USP42: variants seen among roughly 807,000 people sequenced by gnomAD.
USP42 encodes ubiquitin specific peptidase 42.
A neutral mutation model predicts 113.0 loss-of-function variants in USP42; 23 were observed. That is an observed-to-expected ratio of 0.20 (90% CI 0.15 to 0.29). The LOEUF (loss-of-function observed/expected upper bound fraction) is 0.29. USP42 is among the 10% of genes least tolerant of loss of function. USP42 has a pLI of 1.00. For missense variants in USP42, 2,174 were observed against 1,779.8 expected (o/e 1.22, Z -3.99); for synonymous variants, 933 against 699.0 (o/e 1.33, Z -5.28).
chr7:6,153,685 C>A, intron 14 of USP42, 71 bp from the exon 15 acceptor site: 1 of 1,394,628 alleles, frequency 7.2e-7, no homozygotes, highest in Non-Finnish European at 9.3e-7. Context: ...AAGTATTTGT[C>A]CTTGTAATGC....
chr7:6,103,234 C>CTG (rs2128469885), upstream of USP42, among the ~76,000 whole-genome samples: 1 of 151,030 alleles, frequency 6.6e-6, no homozygotes, highest in African/African-American at 2.5e-5. Flanking sequence ...TCTCCTAAGC[C>CTG]TGTACAATGC....
intron 14 of USP42, among the ~76,000 whole-genome samples, chr7:6,151,172 A>G (rs1782027039): frequency 6.6e-6 from 1 of 152,256 alleles, no homozygotes; most frequent in South Asian, 2.1e-4. Context: ...AGCTGGCAGG[A>G]CTGGAGGGTG....
In USP42 at chr7:6,139,767, G is replaced by T; in HGVS notation, c.657-361G>T. 1 of 345,282 alleles carries T rather than the reference G, an allele frequency of 2.9e-6. No individual in the cohort carries two copies. The highest frequency in any genetic ancestry group is 5.4e-6 in the Non-Finnish European group (1 of 183,608). 21.4% of individuals were successfully genotyped at this position (345,282 alleles called of 1,614,324 possible). A position where few individuals can be genotyped will look rare whatever the true frequency, so the allele number is the denominator to read the frequency against. On this transcript the variant is annotated intron_variant, in intron 5 of 17. Coordinates refer to ENST00000306177, the MANE Select transcript of USP42 (RefSeq NM_032172.3). The surrounding 1 kb of genome is among the most constrained non-coding windows in gnomAD (Gnocchi z 4.5). ...TCATTGTCCGGGTGATGACATACTT[G>T]GGTCGGAGGAAGACTCTCTGCCTTT...
At chr7:6,131,219 C>G (rs1031008468) in intron 3 of USP42, among the ~76,000 whole-genome samples, 1 of 152,096 alleles carries the variant, frequency 6.6e-6, no homozygotes, top group Non-Finnish European at 1.5e-5. Flanking sequence ...ATAATTCTTA[C>G]AATTCCAGCA....
intron 4 of USP42, among the ~76,000 whole-genome samples, chr7:6,138,656 G>A (rs1424066870): frequency 6.6e-6 from 1 of 152,210 alleles, no homozygotes; most frequent in Non-Finnish European, 1.5e-5. Flanking sequence ...CTGCACAGCA[G>A]GAGGTGAGCA....
At chr7:6,083,756 G>A in the USP42 span, among the ~76,000 whole-genome samples, 2 of 150,676 alleles carry the variant, frequency 1.3e-5, no homozygotes, top group Non-Finnish European at 2.9e-5. Context: ...CCAGTACGTT[G>A]TTTTAGGAAC....
At chr7:6,160,294 T>C (rs1251761821) in intron 17 of USP42, among the ~76,000 whole-genome samples, 2 of 152,190 alleles carry the variant, frequency 1.3e-5, no homozygotes, top group Admixed American at 1.3e-4. Context: ...CTAAACTTCC[T>C]GAGTGAGGGG....
At position 6,115,344 on chromosome 7, in the gene USP42, C is replaced by T; in HGVS notation, c.263C>T (p.Pro88Leu). The change falls in exon 3 of 18, where the codon CCT (proline) becomes CTT (leucine). Residue 88 changes from proline to leucine, a missense_variant. Transcript: ENST00000306177. ...KDQALGDGIA[P>L]PQKVLFPSEK... ...CTAGCCCTAGGTGATGGCATCGCTCCTCCACAGAAAGTTCTTTTCCCATCT... is the reference window on the plus strand; with the variant it reads ...CTAGCCCTAGGTGATGGCATCGCTCTTCCACAGAAAGTTCTTTTCCCATCT... 3 of 1,614,020 alleles carry T rather than the reference C, an allele frequency of 1.9e-6. No homozygotes were observed. The highest frequency in any genetic ancestry group is 8.5e-7 in the Non-Finnish European group (1 of 1,179,892).
rs1449380446 is a variant in USP42 at position 6,158,000 on chromosome 7, G to C, written c.3943+945G>C. 6.6e-6 allele frequency among the ~76,000 whole-genome samples: 1 copy of C among 152,254 alleles called. No individual in the cohort carries two copies. The highest frequency in any genetic ancestry group is 1.5e-5 in the Non-Finnish European group (1 of 68,046). On this transcript the variant is annotated intron_variant, in intron 16 of 17. Transcript: ENST00000306177. This position sits in a 1 kb window ranked among gnomAD's most constrained non-coding sequence, Gnocchi z 4.1. ...TTAGAAGCGGATGTCACTCGAGTCA[G>C]TGGACCTAGAGCGGAGGCTGGCAAA...
chr7:6,127,927 GTTTC>G (rs1780627631), intron 3 of USP42, among the ~76,000 whole-genome samples: 3 of 151,598 alleles, frequency 2.0e-5, no homozygotes. Context: ...GTTGTTGTTG[GTTTC>G]TTTGTTTTTG....
the USP42 span, among the ~76,000 whole-genome samples, chr7:6,084,204 T>A: frequency 2.6e-5 from 4 of 151,004 alleles, no homozygotes; most frequent in African/African-American, 9.9e-5. Context: ...TTTTTGTATT[T>A]TTAGTAGAGA....
chr7:6,109,912 A>G (rs1779502150), intron 1 of USP42, among the ~76,000 whole-genome samples: 2 of 149,288 alleles, frequency 1.3e-5, no homozygotes, highest in African/African-American at 4.9e-5. Flanking sequence ...TGTTGGCCAG[A>G]CTGGTCTCAA....
At chr7:6,111,403 G>T in intron 2 of USP42, 29 bp downstream of exon 2, 4 of 1,601,628 alleles carry the variant, frequency 2.5e-6, no homozygotes, top group Non-Finnish European at 2.6e-6. Flanking sequence ...GAGAATTACC[G>T]CCAGAAACTC....
chr7:6,112,216 A>T (rs566353883), intron 2 of USP42, among the ~76,000 whole-genome samples: 2 of 152,278 alleles, frequency 1.3e-5, no homozygotes, highest in East Asian at 3.9e-4. Flanking sequence ...TGGGAGGCCA[A>T]GGCAGGTGGA....
intron 3 of USP42, among the ~76,000 whole-genome samples, chr7:6,135,596 G>T (rs902814053): frequency 1.5e-5 from 2 of 132,622 alleles, no homozygotes; most frequent in African/African-American, 5.8e-5. Flanking sequence ...AGGTTGCAGT[G>T]AGCCAGGGTC....
the USP42 span, among the ~76,000 whole-genome samples, chr7:6,084,225 C>G: frequency 6.6e-6 from 1 of 151,022 alleles, no homozygotes; most frequent in African/African-American, 2.5e-5. Context: ...CAGGGTTTCA[C>G]CATGTTGACC....
At position 6,158,907 on chromosome 7, in the gene USP42, G is replaced by GT. The variant is rs1196870685; in HGVS notation, c.3944-540dup. ...CGGGAGGGAGGTTGAACGTGATCTT[G>GT]TTTGCCTCGTGTCTCGGGTGCTGTG... On this transcript the variant is annotated intron_variant, in intron 16 of 17. Coordinates refer to ENST00000306177, the MANE Select transcript of USP42 (RefSeq NM_032172.3). The surrounding 1 kb of genome is among the most constrained non-coding windows in gnomAD (Gnocchi z 4.2). 6.6e-6 allele frequency among the ~76,000 whole-genome samples: 1 copy of GT among 151,846 alleles called. No individual in the cohort carries two copies. The highest frequency in any genetic ancestry group is 1.5e-5 in the Non-Finnish European group (1 of 68,014).
At chr7:6,140,596 T>C (rs1365969520) in intron 6 of USP42, among the ~76,000 whole-genome samples, 1 of 152,198 alleles carries the variant, frequency 6.6e-6, no homozygotes, top group East Asian at 1.9e-4. Context: ...TGGGTAAAAA[T>C]GTATATGTAG....
Position 6,159,192 on chromosome 7 carries a change from A to AT in USP42, c.3944-257dup, listed in dbSNP as rs2128529110. Among the ~76,000 whole-genome samples the AT allele has an allele frequency of 6.6e-6, 1 of 152,156 alleles. No homozygotes were observed. Among genetic ancestry groups the AT allele is most frequent in the South Asian group, 2.1e-4 (1 of 4,822 alleles). On this transcript the variant is annotated intron_variant, in intron 16 of 17. Coordinates refer to ENST00000306177, the MANE Select transcript of USP42 (RefSeq NM_032172.3). The surrounding 1 kb of genome is among the most constrained non-coding windows in gnomAD (Gnocchi z 4.1). ...CCGCCCAGTTCAGTTCTTGGGCCTG[A>AT]TATCTGTTCTAACATCAGGCTGCGT...
Sources: gnomAD v4.1 joint callset for allele counts (sites outside exome capture counted in the v4.1 genomes callset) on GRCh38, gnomAD v4.1.1 for gene constraint, Gnocchi (gnomAD v3.1) non-coding constraint, MANE v1.5 for transcripts, NCBI Gene and HGNC (gene_info 2026-07-23, HGNC 2026-07-21) for gene names.